Variants in LRRK1 observed in about 807,000 individuals in gnomAD.
The protein encoded by LRRK1 is leucine rich repeat kinase 1, also known as leucine-rich repeat serine/threonine-protein kinase 1.
A neutral mutation model predicts 209.1 loss-of-function variants in LRRK1; 113 were observed. That is an observed-to-expected ratio of 0.54 (90% CI 0.46 to 0.63). LRRK1 has a LOEUF of 0.63. Ranked by LOEUF, LRRK1 falls within the 30% of genes least tolerant of loss-of-function variation. The pLI is 0.00. For missense variants in LRRK1, 2,284 were observed against 2,632.2 expected (o/e 0.87, Z 2.89); for synonymous variants, 1,144 against 1,099.7 (o/e 1.04, Z -0.80).
chr15:100,951,300 G>T (rs1161779455), intron 2 of LRRK1, among the ~76,000 whole-genome samples: 1 of 152,174 alleles, frequency 6.6e-6, no homozygotes, highest in African/African-American at 2.4e-5. Context: ...GCAAGCGGTA[G>T]TCAGGATATG....
rs1331871284 is a variant in LRRK1, at chr15:101,010,848, CA to C, written c.1281+12del. On this transcript the variant is annotated intron_variant, in intron 9 of 33. Coordinates refer to ENST00000388948, the MANE Select transcript of LRRK1 (RefSeq NM_024652.6). ...TGGGCCTGCCCTTTGGTGAGTATCACACCAAAAGTCATGAAAGCCACAGTCA... is the reference window on the plus strand; with the variant it reads ...TGGGCCTGCCCTTTGGTGAGTATCACCCAAAAGTCATGAAAGCCACAGTCA... The C allele has an allele frequency of 5.0e-6, 8 of 1,603,216 alleles. No individual in the cohort carries two copies. Among genetic ancestry groups the C allele is most frequent in the Non-Finnish European group, 5.9e-6 (7 of 1,176,684 alleles).
rs529158728 is a variant in LRRK1, at chr15:101,070,308, CTTTTTTTTTTTTTTT to C, written c.*1472_*1486del. 2.1e-4 allele frequency: 20 copies of C among 94,832 alleles called. No homozygotes were observed. Among genetic ancestry groups the C allele is most frequent in the Non-Finnish European group, 3.8e-4 (19 of 50,176 alleles). 5.9% of individuals were successfully genotyped at this position (94,832 alleles called of 1,614,324 possible). A position where few individuals can be genotyped will look rare whatever the true frequency, so the allele number is the denominator to read the frequency against. On this transcript the variant is annotated 3_prime_UTR_variant, in exon 34 of 34. Coordinates refer to ENST00000388948, the MANE Select transcript of LRRK1 (RefSeq NM_024652.6). ...CTTGGAAAAAGCGAGTCCCCCCACTCTTTTTTTTTTTTTTTTTTTTTTTTTTACCAACCTGGGCAC... is the reference window on the plus strand; with the variant it reads ...CTTGGAAAAAGCGAGTCCCCCCACTCTTTTTTTTTTTACCAACCTGGGCAC...
At chr15:101,053,819 A>G (rs766136721) in intron 26 of LRRK1, among the ~76,000 whole-genome samples, 26 of 152,228 alleles carry the variant, frequency 1.7e-4, no homozygotes, top group Admixed American at 7.9e-4. Flanking sequence ...CAGTGGGACC[A>G]TATTTTAACA....
In LRRK1 at chr15:101,057,981, C is replaced by G. The variant is rs745569797; in HGVS notation, c.4528-9C>G. The G allele has an allele frequency of 6.2e-7, 1 of 1,613,958 alleles. No individual in the cohort carries two copies. Among genetic ancestry groups the G allele is most frequent in the Non-Finnish European group, 8.5e-7 (1 of 1,179,936 alleles). ...ACCTTGCTCTCTTCTGGTGGCTTCT[C>G]TCCCTCAGCGACCGCTGGCCCTGTC... On this transcript the variant is annotated splice_polypyrimidine_tract_variant and intron_variant, in intron 28 of 33. Transcript: ENST00000388948.
At chr15:101,054,678 G>A (rs555523352) in intron 26 of LRRK1, among the ~76,000 whole-genome samples, 5 of 152,288 alleles carry the variant, frequency 3.3e-5, no homozygotes, top group South Asian at 4.1e-4. Context: ...ATGGTGGCAC[G>A]CGCCTATAGT....
At position 101,076,572 on chromosome 15, in the gene LRRK1, G is replaced by C. The variant is rs555562063; in HGVS notation, c.*7724G>C. The C allele has an allele frequency of 6.6e-6, 1 of 152,416 alleles. No individual in the cohort carries two copies. The highest frequency in any genetic ancestry group is 1.5e-5 in the Non-Finnish European group (1 of 68,252). 9.4% of individuals were successfully genotyped at this position (152,416 alleles called of 1,614,324 possible). On this transcript the variant is annotated 3_prime_UTR_variant, in exon 34 of 34. Transcript: ENST00000388948. Reference sequence around the variant, plus strand: ...AATGGCCACACACCAGCAAAGGCAGGCTGTGCTATAGTACAAGCCGCTAGC... The same window carrying C: ...AATGGCCACACACCAGCAAAGGCAGCCTGTGCTATAGTACAAGCCGCTAGC...
At chr15:101,067,245 T>C (rs78439439) in intron 33 of LRRK1, 49,123 of 456,160 alleles carry the variant, frequency 0.11, 4,762 homozygotes, top group East Asian at 0.48. Context: ...CCCAGGATTA[T>C]GCCAGTCTCC....
At chr15:101,006,043 C>G in intron 6 of LRRK1, among the ~76,000 whole-genome samples, 1 of 152,082 alleles carries the variant, frequency 6.6e-6, no homozygotes, top group East Asian at 1.9e-4. Flanking sequence ...AGAATATCAC[C>G]CCATAGATTG....
intron 6 of LRRK1, among the ~76,000 whole-genome samples, chr15:100,996,212 G>A (rs1224842898): frequency 6.6e-6 from 1 of 152,222 alleles, no homozygotes; most frequent in Non-Finnish European, 1.5e-5. Context: ...CCAGAGTTTC[G>A]TGCATTGCAG....
At chr15:100,962,247 A>T (rs1221908812) in intron 2 of LRRK1, among the ~76,000 whole-genome samples, 3 of 152,166 alleles carry the variant, frequency 2.0e-5, no homozygotes, top group Non-Finnish European at 4.4e-5. Flanking sequence ...TTAAAACTCC[A>T]GGCTGGGCAT....
At chr15:101,012,210 T>A in intron 10 of LRRK1, 65 bp downstream of exon 10, 2 of 1,322,680 alleles carry the variant, frequency 1.5e-6, no homozygotes, top group South Asian at 1.4e-5. Context: ...CGTGTTGCAG[T>A]GAAATGTATG....
chr15:100,940,442 C>G (rs2042379157), intron 2 of LRRK1, among the ~76,000 whole-genome samples: 1 of 152,204 alleles, frequency 6.6e-6, no homozygotes, highest in African/African-American at 2.4e-5. Flanking sequence ...GTCTCTCACT[C>G]TTTTATCTCT....
At position 100,924,730 on chromosome 15, in the gene LRRK1, G is replaced by A; in HGVS notation, c.97+1G>A. On this transcript the variant is annotated splice_donor_variant, in intron 2 of 33. Transcript: ENST00000388948. LOFTEE classifies it high-confidence loss of function. ...GAACGTGCCATGGAGACGCTTAACGGTAAGGACAGGGCTGTGCTTATGCCT... is the reference window on the plus strand; with the variant it reads ...GAACGTGCCATGGAGACGCTTAACGATAAGGACAGGGCTGTGCTTATGCCT... 2 of 1,612,840 alleles carry A rather than the reference G, an allele frequency of 1.2e-6. No individual in the cohort carries two copies. Among genetic ancestry groups the A allele is most frequent in the Non-Finnish European group, 1.7e-6 (2 of 1,178,800 alleles).
At chr15:100,934,051 T>C (rs985719755) in intron 2 of LRRK1, among the ~76,000 whole-genome samples, 11 of 152,132 alleles carry the variant, frequency 7.2e-5, no homozygotes, top group African/African-American at 2.7e-4. Flanking sequence ...GTGTCAGTCT[T>C]ATCTTCTCAG....
At chr15:100,989,939 T>C (rs887626069) in intron 6 of LRRK1, among the ~76,000 whole-genome samples, 6 of 152,160 alleles carry the variant, frequency 3.9e-5, no homozygotes, top group African/African-American at 1.4e-4. Context: ...TAAATTTTTA[T>C]GTGTTAAATT....
At chr15:101,034,523 C>T (rs1056486817) in intron 20 of LRRK1, among the ~76,000 whole-genome samples, 3 of 152,002 alleles carry the variant, frequency 2.0e-5, no homozygotes, top group Admixed American at 6.5e-5. Context: ...ATTTTCTCCA[C>T]TGTAGGTTCT....
intron 6 of LRRK1, among the ~76,000 whole-genome samples, chr15:100,994,648 G>A (rs772729848): frequency 4.0e-4 from 61 of 152,222 alleles, no homozygotes; most frequent in Admixed American, 1.6e-3. Context: ...TGGCTCTGTT[G>A]CGTGGAATCA....
At chr15:101,058,573 C>T (rs1230828673) in intron 29 of LRRK1, among the ~76,000 whole-genome samples, 1 of 137,490 alleles carries the variant, frequency 7.3e-6, no homozygotes, top group Non-Finnish European at 1.5e-5. Context: ...GGTTATGTGA[C>T]TTTCTCAAGC....
chr15:101,025,986 G>T lies in LRRK1; in HGVS notation c.2254G>T (p.Val752Leu). 6.2e-7 allele frequency: 1 copy of T among 1,614,210 alleles called. No individual in the cohort carries two copies. Reference sequence around the variant, plus strand: ...GCAGGCCAAGGCCCCAAACGCCGTGGTGCTGGTGGTCGGGACGCACCTGGA... The same window carrying T: ...GCAGGCCAAGGCCCCAAACGCCGTGTTGCTGGTGGTCGGGACGCACCTGGA... ...NIEAKAPNAV[V>L]LVVGTHLDLI... The change falls in exon 17 of 34, where the codon GTG (valine) becomes TTG (leucine). Residue 752 changes from valine (V) to leucine (L), a missense_variant. Coordinates refer to ENST00000388948, the MANE Select transcript of LRRK1 (RefSeq NM_024652.6).
Sources: gnomAD v4.1 joint callset for allele counts (sites outside exome capture counted in the v4.1 genomes callset) on GRCh38, gnomAD v4.1.1 for gene constraint, MANE v1.5 for transcripts, NCBI Gene and HGNC (gene_info 2026-07-23, HGNC 2026-07-21) for gene names.